The following CNTNAP3B variants were observed in gnomAD, a reference collection of about 807,000 sequenced individuals.
CNTNAP3B encodes the protein contactin associated protein family member 3B.
CNTNAP3B carries 25 observed loss-of-function variants against 108.9 expected under a neutral mutation model. That is an observed-to-expected ratio of 0.23 (90% confidence interval 0.17 to 0.32). The LOEUF (loss-of-function observed/expected upper bound fraction) is 0.32. CNTNAP3B is among the 10% of genes least tolerant of loss of function. The pLI, the probability that CNTNAP3B is intolerant of heterozygous loss-of-function variation, is 1.00. For missense variants in CNTNAP3B, 252 were observed against 1,210.4 expected, an observed-to-expected ratio of 0.21 and a Z score of 11.75; for synonymous variants, 103 against 473.4, an observed-to-expected ratio of 0.22 and a Z score of 10.16.
intron 15 of CNTNAP3B, among the ~76,000 whole-genome samples, chr9:41,928,013 T>C (rs992035513): frequency 2.0e-5 from 3 of 151,216 alleles, no homozygotes; most frequent in Admixed American, 6.6e-5. Flanking sequence ...GAACAGAATA[T>C]TTCGGTCAAA....
chr9:42,098,333 G>A (rs1827951278), intron 2 of CNTNAP3B, among the ~76,000 whole-genome samples: 2 of 126,210 alleles, frequency 1.6e-5, no homozygotes, highest in African/African-American at 6.5e-5. Context: ...CAGCACTCTG[G>A]GAGGCCGAGA....
At position 42,115,473 on chromosome 9, in the gene CNTNAP3B, G is replaced by A. The variant is rs1177502977; in HGVS notation, c.86-10734C>T. On this transcript the variant is annotated intron_variant, in intron 1 of 23. Transcript: ENST00000377561. Reference sequence around the variant, plus strand: ...TGGGAGACAACTCCCAGTAGGGGCTGACTGACACCGCATACAGCCAGGTGC... The same window carrying A: ...TGGGAGACAACTCCCAGTAGGGGCTAACTGACACCGCATACAGCCAGGTGC... Among the ~76,000 whole-genome samples, 2 of 139,704 alleles carry A rather than the reference G, an allele frequency of 1.4e-5. 1 individual carries two copies. Among genetic ancestry groups the A allele is most frequent in the African/African-American group, 5.7e-5 (2 of 35,292 alleles). 91.7% of individuals were successfully genotyped at this position (139,704 alleles called of 152,430 possible).
At chr9:41,947,205 A>G (rs1372122643) in intron 13 of CNTNAP3B, among the ~76,000 whole-genome samples, 1 of 151,184 alleles carries the variant, frequency 6.6e-6, no homozygotes, top group African/African-American at 2.4e-5. Context: ...AGAATAGCAG[A>G]ATATACATTT....
At chr9:42,118,208 G>T (rs1190598103) in intron 1 of CNTNAP3B, among the ~76,000 whole-genome samples, 1 of 139,268 alleles carries the variant, frequency 7.2e-6, no homozygotes, top group South Asian at 2.3e-4. Flanking sequence ...CCAAAGCCTG[G>T]CAGAGACACA....
chr9:41,959,020 C>A (rs892112978), intron 12 of CNTNAP3B, among the ~76,000 whole-genome samples: 6 of 140,940 alleles, frequency 4.3e-5, no homozygotes, highest in African/African-American at 1.1e-4. Flanking sequence ...GGTTTTCCTA[C>A]CTTGACAACG....
chr9:41,968,980 T>C (rs1187231667), intron 10 of CNTNAP3B, among the ~76,000 whole-genome samples: 1 of 152,272 alleles, frequency 6.6e-6, no homozygotes, highest in Non-Finnish European at 1.5e-5. Context: ...GCATTTTTAG[T>C]AGAGACGGGG....
At chr9:42,121,960 G>A (rs1412059190) in intron 1 of CNTNAP3B, among the ~76,000 whole-genome samples, 1 of 139,894 alleles carries the variant, frequency 7.1e-6, no homozygotes, top group Non-Finnish European at 1.5e-5. Flanking sequence ...ATGAGCATCA[G>A]CATATTTGCA....
At chr9:41,936,594 TTA>T (rs1824163807) in intron 14 of CNTNAP3B, among the ~76,000 whole-genome samples, 1 of 152,210 alleles carries the variant, frequency 6.6e-6, no homozygotes, top group South Asian at 2.1e-4. Context: ...CATCATCACA[TTA>T]TCATACCAGA....
At position 41,927,957 on chromosome 9, in the gene CNTNAP3B, A is replaced by T. The variant is rs1420827338; in HGVS notation, c.2365+1360T>A. 3.1e-5 allele frequency among the ~76,000 whole-genome samples: 4 copies of T among 127,108 alleles called. 1 individual carries two copies. Among genetic ancestry groups the T allele is most frequent in the African/African-American group, 1.2e-4 (4 of 32,560 alleles). The allele number at this position is 127,108 out of a possible 152,430, so 83.4% of individuals were successfully genotyped here. ...CTAGATGAAGAGAATCCACCAAATG[A>T]AACAAAGTATTCAAAGCATAATAAA... On this transcript the variant is annotated intron_variant, in intron 15 of 23. Transcript: ENST00000377561.
intron 2 of CNTNAP3B, among the ~76,000 whole-genome samples, chr9:42,090,916 C>A (rs1827809302): frequency 1.3e-5 from 1 of 74,680 alleles, no homozygotes; most frequent in Non-Finnish European, 2.7e-5. Context: ...ATATAAAGTT[C>A]TTGAAATTTG....
Position 42,099,442 on chromosome 9 carries a change from A to T in CNTNAP3B, c.196+5187T>A, listed in dbSNP as rs559664097. Among the ~76,000 whole-genome samples the T allele has an allele frequency of 5.9e-4, 79 of 134,666 alleles. 19 individuals carry two copies. Among genetic ancestry groups the T allele is most frequent in the Middle Eastern group, 3.6e-3 (1 of 280 alleles). 88.3% of individuals were successfully genotyped at this position (134,666 alleles called of 152,430 possible). A position where few individuals can be genotyped will look rare whatever the true frequency, so the allele number is the denominator to read the frequency against. On this transcript the variant is annotated intron_variant, in intron 2 of 23. Coordinates refer to ENST00000377561, the MANE Select transcript of CNTNAP3B (RefSeq NM_001201380.3). The stretch of plus-strand genomic sequence containing the variant: ...AGGTGAGAAGCTATAAACATAAGAC[A>T]CTTCTTCGGTTTCATCCATTTTGTA...
intron 12 of CNTNAP3B, 52 bp from the exon 13 acceptor site, chr9:41,953,438 G>A (rs1406556917): frequency 9.3e-6 from 14 of 1,507,212 alleles, no homozygotes; most frequent in East Asian, 2.4e-5. Context: ...GACGCCAGCA[G>A]CAAGAGGCAA....
intron 3 of CNTNAP3B, among the ~76,000 whole-genome samples, chr9:42,036,782 T>G (rs796367198): frequency 7.3e-6 from 1 of 136,178 alleles, no homozygotes; most frequent in Admixed American, 7.4e-5. Flanking sequence ...GTAGCCTAAC[T>G]GGGAGGCACC....
chr9:41,969,201 G>A (rs1224165634), intron 10 of CNTNAP3B, among the ~76,000 whole-genome samples: 36 of 151,658 alleles, frequency 2.4e-4, no homozygotes, highest in South Asian at 4.2e-4. Context: ...ATTTTTCCAG[G>A]TGTGACCCTA....
intron 7 of CNTNAP3B, among the ~76,000 whole-genome samples, 182 bp downstream of exon 7, chr9:41,996,023 A>G (rs1413494584): frequency 1.3e-4 from 19 of 142,706 alleles, no homozygotes; most frequent in South Asian, 2.2e-4. Flanking sequence ...GAGACAAGAG[A>G]GAGACTCTGT....
chr9:41,915,848 G>T (rs1394692482), intron 18 of CNTNAP3B, among the ~76,000 whole-genome samples: 3 of 151,010 alleles, frequency 2.0e-5, no homozygotes, highest in African/African-American at 7.3e-5. Context: ...CTAGGTTTTG[G>T]TATATAGGCC....
intron 10 of CNTNAP3B, among the ~76,000 whole-genome samples, chr9:41,965,007 G>A (rs1825226205): frequency 2.6e-5 from 4 of 152,376 alleles, no homozygotes; most frequent in Non-Finnish European, 4.4e-5. Flanking sequence ...GAAAGAAGGG[G>A]AAACAGGGAG....
chr9:42,122,528 T>C (rs1450308417), intron 1 of CNTNAP3B, among the ~76,000 whole-genome samples: 1 of 128,468 alleles, frequency 7.8e-6, no homozygotes, highest in African/African-American at 3.1e-5. Flanking sequence ...AGCACAAGAA[T>C]CATAAACCCT....
At chr9:42,080,824 T>C (rs1482530994) in intron 2 of CNTNAP3B, among the ~76,000 whole-genome samples, 8 of 86,128 alleles carry the variant, frequency 9.3e-5, no homozygotes, top group African/African-American at 2.9e-4. Flanking sequence ...ATTTTTGTTG[T>C]CTTTAAATTA....
Sources: gnomAD v4.1 joint callset for allele counts (sites outside exome capture counted in the v4.1 genomes callset) on GRCh38, gnomAD v4.1.1 for gene constraint, MANE v1.5 for transcripts, NCBI Gene and HGNC (gene_info 2026-07-23, HGNC 2026-07-21) for gene names.